Variants in NEO1 observed in about 807,000 individuals in gnomAD.
NEO1 encodes the protein neogenin.
A neutral mutation model predicts 159.7 loss-of-function variants in NEO1; 63 were observed. That is an observed-to-expected ratio of 0.39 (90% CI 0.32 to 0.49). NEO1 has a LOEUF of 0.49. Among genes scored for constraint, NEO1 ranks in the 20% least tolerant of loss-of-function variants. The probability of loss-of-function intolerance (pLI) is 0.85; values close to 1 mark genes in which losing one functional copy is unlikely to be tolerated. For missense variants in NEO1, 1,615 were observed against 1,831.0 expected (o/e 0.88, Z 2.15); for synonymous variants, 633 against 662.0 (o/e 0.96, Z 0.67).
At chr15:73,286,679 T>A (rs565554768) in intron 23 of NEO1, among the ~76,000 whole-genome samples, 1 of 152,354 alleles carries the variant, frequency 6.6e-6, no homozygotes, top group Non-Finnish European at 1.5e-5. Context: ...GAATTCATCA[T>A]CTTTTCAGGC....
chr15:73,197,997 A>G (rs922490947), intron 7 of NEO1, among the ~76,000 whole-genome samples: 2 of 152,084 alleles, frequency 1.3e-5, no homozygotes, highest in African/African-American at 4.8e-5. Flanking sequence ...TTATAATAGC[A>G]TTGACTGAAA....
chr15:73,270,544 G>A (rs750057187), intron 18 of NEO1, 90 bp downstream of exon 18: 235 of 1,366,510 alleles, frequency 1.7e-4, no homozygotes, highest in Non-Finnish European at 2.1e-4. Context: ...ACAAAACACA[G>A]TGAGCAACTA....
At chr15:73,298,326 C>T (rs1371906686) in intron 26 of NEO1, 22 bp from the exon 27 acceptor site, 4 of 1,612,252 alleles carry the variant, frequency 2.5e-6, no homozygotes, top group Non-Finnish European at 2.5e-6. Flanking sequence ...GAAATGCTAA[C>T]ATTTAGACTT....
At chr15:73,287,767 G>A (rs541138776) in intron 23 of NEO1, among the ~76,000 whole-genome samples, 3 of 152,076 alleles carry the variant, frequency 2.0e-5, no homozygotes, top group African/African-American at 4.8e-5. Context: ...TGTAATCCCA[G>A]CTACTCAGGA....
intron 5 of NEO1, among the ~76,000 whole-genome samples, chr15:73,152,927 G>A (rs900405552): frequency 1.3e-5 from 2 of 152,142 alleles, no homozygotes; most frequent in Non-Finnish European, 2.9e-5. Flanking sequence ...TAGAGAAAGA[G>A]AGAAGAGACT....
At chr15:73,274,121 T>C in intron 20 of NEO1, 116 bp downstream of exon 20, 1 of 976,032 alleles carries the variant, frequency 1.0e-6, no homozygotes, top group Non-Finnish European at 1.5e-6. Context: ...ATGATGAGCT[T>C]GTGAGCCATG....
intron 4 of NEO1, among the ~76,000 whole-genome samples, chr15:73,132,763 G>A (rs753139802): frequency 1.6e-4 from 24 of 152,048 alleles, no homozygotes; most frequent in Non-Finnish European, 8.8e-5. Context: ...TATACAAATG[G>A]CCAACAAACA....
chr15:73,090,378 G>A (rs1158520119), intron 1 of NEO1, among the ~76,000 whole-genome samples: 1 of 151,978 alleles, frequency 6.6e-6, no homozygotes, highest in African/African-American at 2.4e-5. Context: ...ATTTAAAAAA[G>A]TAAAATCTCT....
chr15:73,220,855 T>C (rs1331568346), intron 7 of NEO1, among the ~76,000 whole-genome samples: 2 of 152,186 alleles, frequency 1.3e-5, no homozygotes, highest in African/African-American at 4.8e-5. Flanking sequence ...TTTCAACTTC[T>C]TTGCCTTTGG....
chr15:73,173,683 C>T (rs1421864634), intron 5 of NEO1, among the ~76,000 whole-genome samples: 1 of 152,032 alleles, frequency 6.6e-6, no homozygotes, highest in Non-Finnish European at 1.5e-5. Context: ...ACAATAGATG[C>T]CTTAAGTTAA....
intron 1 of NEO1, among the ~76,000 whole-genome samples, chr15:73,111,814 TG>T (rs2071008226): frequency 6.6e-6 from 1 of 152,100 alleles, no homozygotes; most frequent in South Asian, 2.1e-4. Flanking sequence ...TTTTGTTTTT[TG>T]GTAGAGATGG....
chr15:73,274,550 G>A (rs887128438), intron 20 of NEO1, 142 bp from the exon 21 acceptor site: 7 of 750,064 alleles, frequency 9.3e-6, no homozygotes, highest in African/African-American at 7.1e-5. Context: ...TTTAATTTCT[G>A]TTAGTACTAA....
At chr15:73,187,993 G>A (rs1176084151) in intron 7 of NEO1, among the ~76,000 whole-genome samples, 1 of 152,122 alleles carries the variant, frequency 6.6e-6, no homozygotes, top group Non-Finnish European at 1.5e-5. Context: ...GGCTGCCCAA[G>A]CGTCTGCCTT....
At chr15:73,131,539 A>G (rs2031133842) in intron 4 of NEO1, among the ~76,000 whole-genome samples, 1 of 152,166 alleles carries the variant, frequency 6.6e-6, no homozygotes. Flanking sequence ...TTTACCTTCT[A>G]CATGTCTTTG....
intron 4 of NEO1, among the ~76,000 whole-genome samples, chr15:73,127,590 T>C (rs1237347729): frequency 1.3e-5 from 2 of 152,224 alleles, no homozygotes; most frequent in Non-Finnish European, 2.9e-5. Context: ...TTGCCCCCAG[T>C]TGAGGACCAT....
At chr15:73,094,020 T>A (rs1232431530) in intron 1 of NEO1, among the ~76,000 whole-genome samples, 1 of 152,228 alleles carries the variant, frequency 6.6e-6, no homozygotes, top group Non-Finnish European at 1.5e-5. Context: ...TTGCCTAATT[T>A]TAGAATTAAC....
chr15:73,245,876 C>T (rs770795164), intron 9 of NEO1, among the ~76,000 whole-genome samples: 18 of 151,968 alleles, frequency 1.2e-4, no homozygotes, highest in African/African-American at 2.2e-4. Flanking sequence ...CCATCGCACC[C>T]GGCCACCTCA....
intron 4 of NEO1, among the ~76,000 whole-genome samples, chr15:73,131,961 C>T (rs1373484760): frequency 6.6e-6 from 1 of 152,192 alleles, no homozygotes; most frequent in Admixed American, 6.5e-5. Context: ...ATTTAGTTAG[C>T]TTCTACTCAT....
chr15:73,243,831 A>C (rs2039608258), intron 8 of NEO1, among the ~76,000 whole-genome samples: 1 of 152,210 alleles, frequency 6.6e-6, no homozygotes, highest in Non-Finnish European at 1.5e-5. Flanking sequence ...AGACTGGGTT[A>C]CACTTAGGAT....
Sources: allele counts gnomAD v4.1 joint callset (sites outside exome capture counted in the v4.1 genomes callset), GRCh38; gene constraint gnomAD v4.1.1; transcripts MANE v1.5; gene names NCBI Gene and HGNC (gene_info 2026-07-23, HGNC 2026-07-21).